RNF213: variants seen among roughly 807,000 people sequenced by gnomAD.
RNF213 encodes the protein ring finger protein 213, also known as E3 ubiquitin-protein ligase RNF213.
RNF213 carries 341 observed loss-of-function variants against 514.4 expected under a neutral mutation model. The observed-to-expected ratio is 0.66, with a 90% CI of 0.61 to 0.73. RNF213 has a LOEUF of 0.73. Ranked by LOEUF, RNF213 falls within the 30% of genes least tolerant of loss-of-function variation. The pLI is 0.00. For missense variants in RNF213, 5,767 were observed against 6,615.6 expected (o/e 0.87, Z 4.45); for synonymous variants, 2,655 against 2,658.2 (o/e 1.00, Z 0.04).
chr17:80,313,880 G>A (rs1216642707), intron 15 of RNF213, among the ~76,000 whole-genome samples: 78 of 106,490 alleles, frequency 7.3e-4, no homozygotes, highest in East Asian at 1.1e-3. Context: ...AGGTGATGGT[G>A]GAGGTACTGG....
chr17:80,389,118 T>G (rs1599218784), intron 64 of RNF213, 55 bp from the exon 65 acceptor site: 19 of 1,539,330 alleles, frequency 1.2e-5, no homozygotes, highest in Non-Finnish European at 1.5e-5. Flanking sequence ...TACCAGGTGG[T>G]GAGATGCCAG....
rs951370818 is a variant in RNF213 at position 80,328,458 on chromosome 17, C to T, written c.3498C>T (p.Asn1166=). 54 of 1,536,932 alleles carry T rather than the reference C, an allele frequency of 3.5e-5. No homozygotes were observed. The highest frequency in any genetic ancestry group is 1.7e-4 in the Middle Eastern group (1 of 6,010). Residue 1166 remains asparagine (N), a synonymous_variant, in exon 20 of 68, where the codon AAC becomes AAT. Coordinates refer to ENST00000582970, the MANE Select transcript of RNF213 (RefSeq NM_001256071.3). ...ATAGTCTCCTGAAGATGTGTGGGAA[C>T]GTGAAACATCTGATACAAGGTGGTA... is the stretch of plus-strand genomic sequence containing the variant. ...CVDSLLKMCG[N]VKHLIQVDFG...
At chr17:80,364,028 TA>T (rs2079157567) in intron 41 of RNF213, among the ~76,000 whole-genome samples, 1 of 152,032 alleles carries the variant, frequency 6.6e-6, no homozygotes, top group Non-Finnish European at 1.5e-5. Flanking sequence ...ACTGGGGCCG[TA>T]GAAAGGCAGA....
chr17:80,347,678 G>A lies in RNF213; in HGVS notation c.9343G>A (p.Ala3115Thr), dbSNP rs746145556. The A allele has an allele frequency of 3.2e-5, 52 of 1,613,804 alleles. No individual in the cohort carries two copies. Among genetic ancestry groups the A allele is most frequent in the East Asian group, 4.5e-5 (2 of 44,896 alleles). Residue 3115 changes from alanine to threonine, a missense_variant, in exon 29 of 68, where the codon GCA (alanine) becomes ACA (threonine). This residue lies in a region of RNF213 where 919 missense variants were observed against 1,121.0 expected (regional missense o/e 0.82). Transcript: ENST00000582970. This position sits in a 1 kb window ranked among gnomAD's most constrained non-coding sequence, Gnocchi z 7.2. Reference sequence around the variant, plus strand: ...GAACCTCTACGAGAGCCTCTACGACGCACTCAACCAGTACTACGTCCACCT... The same window carrying A: ...GAACCTCTACGAGAGCCTCTACGACACACTCAACCAGTACTACGTCCACCT... Reference protein sequence around the residue: ...LQNLYESLYDALNQYYVHLGG... With the variant: ...LQNLYESLYDTLNQYYVHLGG...
Position 80,340,270 on chromosome 17 carries a change from G to A in RNF213, c.5903G>A (p.Arg1968Gln), listed in dbSNP as rs747525866. 3.1e-5 allele frequency: 50 copies of A among 1,613,982 alleles called. No individual in the cohort carries two copies. Among genetic ancestry groups the A allele is most frequent in the Admixed American group, 8.3e-5 (5 of 59,998 alleles). ...CAAGCCTACCTGGCAGGTCACTACC[G>A]GGTCCCGAAGCAGACCCTGTCGGCG... ...AIQAYLAGHY[R>Q]VPKQTLSAAA... The change falls in exon 26 of 68, where the codon CGG (arginine) becomes CAG (glutamine). Residue 1968 changes from arginine to glutamine, a missense_variant. Coordinates refer to ENST00000582970, the MANE Select transcript of RNF213 (RefSeq NM_001256071.3).
At chr17:80,290,415 G>GTT (rs2044663515) in intron 6 of RNF213, among the ~76,000 whole-genome samples, 155 bp from the exon 7 acceptor site, 1 of 90,152 alleles carries the variant, frequency 1.1e-5, no homozygotes, top group African/African-American at 6.8e-5. Context: ...GTGTGTGTGC[G>GTT]TGTGTGCGAG....
intron 14 of RNF213, among the ~76,000 whole-genome samples, chr17:80,311,731 C>T (rs527622135): frequency 2.6e-5 from 4 of 152,204 alleles, no homozygotes; most frequent in Admixed American, 2.0e-4. Flanking sequence ...CCAGCTGCCT[C>T]GAGGCGTGGG....
Position 80,346,037 on chromosome 17 carries a change from G to C in RNF213, c.7702G>C (p.Val2568Leu). The stretch of plus-strand genomic sequence containing the variant: ...TCCTCTGAGGCAGCTGGTATACCGG[G>C]TCCATGCTCTGCCCCCGAGCCTGAT... ...SIPLRQLVYR[V>L]HALPPSLIPL... The change falls in exon 29 of 68, where the codon GTC (valine) becomes CTC (leucine). Residue 2568 changes from valine (V) to leucine (L), a missense_variant. By Grantham distance (32) the Val-to-Leu change is conservative. Around this residue, in one of 13 missense-constraint regions of RNF213, gnomAD observed 1,377 missense variants for 1,635.2 expected, o/e 0.84. Coordinates refer to ENST00000582970, the MANE Select transcript of RNF213 (RefSeq NM_001256071.3). The surrounding 1 kb of genome is among the most constrained non-coding windows in gnomAD (Gnocchi z 8.1). 6.2e-7 allele frequency: 1 copy of C among 1,614,168 alleles called. No individual in the cohort carries two copies. Among genetic ancestry groups the C allele is most frequent in the Non-Finnish European group, 8.5e-7 (1 of 1,180,040 alleles).
At position 80,340,167 on chromosome 17, in the gene RNF213, T is replaced by G; in HGVS notation, c.5800T>G (p.Trp1934Gly). 6.2e-7 allele frequency: 1 copy of G among 1,613,454 alleles called. No individual in the cohort carries two copies. The highest frequency in any genetic ancestry group is 8.5e-7 in the Non-Finnish European group (1 of 1,179,920). ...YQLVMVCDGDWEHCYLPSAFS... is the reference protein window; with the variant it reads ...YQLVMVCDGDGEHCYLPSAFS... ...GCTCGTCATGGTCTGTGATGGGGAC[T>G]GGGAGCACTGCTACCTCCCCTCTGC... Residue 1934 changes from tryptophan to glycine, a missense_variant, in exon 26 of 68, where the codon TGG (tryptophan) becomes GGG (glycine). Trp to Gly is a radical substitution (Grantham distance 184, BLOSUM62 -2). Coordinates refer to ENST00000582970, the MANE Select transcript of RNF213 (RefSeq NM_001256071.3).
Position 80,263,501 on chromosome 17 carries a change from G to A in RNF213, c.-108-73G>A, listed in dbSNP as rs2043497532. ...GCAGCACAGAGCGGGGAGGGGCTGG[G>A]CTTGGGCTGTGCTCCTGTTGGGTTT... On this transcript the variant is annotated intron_variant, in intron 1 of 67. Coordinates refer to ENST00000582970, the MANE Select transcript of RNF213 (RefSeq NM_001256071.3). This position sits in a 1 kb window ranked among gnomAD's most constrained non-coding sequence, Gnocchi z 4.9. 3.1e-6 allele frequency: 2 copies of A among 649,384 alleles called. No homozygotes were observed. Among genetic ancestry groups the A allele is most frequent in the Non-Finnish European group, 5.7e-6 (2 of 352,412 alleles). The allele number at this position is 649,384 out of a possible 1,614,324, so 40.2% of individuals were successfully genotyped here. A position where few individuals can be genotyped will look rare whatever the true frequency, so the allele number is the denominator to read the frequency against.
intron 10 of RNF213, among the ~76,000 whole-genome samples, chr17:80,296,315 G>T (rs2044944227): frequency 6.6e-6 from 1 of 152,176 alleles, no homozygotes; most frequent in Non-Finnish European, 1.5e-5. Flanking sequence ...CCACCGTGCT[G>T]GGTCTGAATA....
Position 80,295,643 on chromosome 17 carries a change from C to G in RNF213, c.1842C>G (p.Cys614Trp). Residue 614 changes from cysteine (C) to tryptophan (W), a missense_variant, in exon 10 of 68, where the codon TGC (cysteine) becomes TGG (tryptophan). Cys to Trp is a radical substitution (Grantham distance 215). Coordinates refer to ENST00000582970, the MANE Select transcript of RNF213 (RefSeq NM_001256071.3). ...GCACGGACTTTTTGCCTGTGGACTG[C>G]CCAGTGAGGAGTAAACTGAAAACAG... The part of the protein sequence containing the change: ...GKSTDFLPVD[C>W]PVRSKLKTGL... 1 of 1,613,992 alleles carries G rather than the reference C, an allele frequency of 6.2e-7. No individual in the cohort carries two copies. The highest frequency in any genetic ancestry group is 8.5e-7 in the Non-Finnish European group (1 of 1,179,958).
chr17:80,327,852 A>G lies in RNF213; in HGVS notation c.3230A>G (p.Asp1077Gly), dbSNP rs779411791. ...DEKILANVTE[D>G]AKRLIAVADS... is the part of the protein sequence containing the mutation. ...AAAATACTAGCAAATGTCACAGAGG[A>G]TGCCAAGAGGCTGATAGCTGTTGCC... Residue 1077 changes from aspartate to glycine, a missense_variant, in exon 19 of 68, where the codon GAT becomes GGT. Coordinates refer to ENST00000582970, the MANE Select transcript of RNF213 (RefSeq NM_001256071.3). The G allele has an allele frequency of 6.5e-7, 1 of 1,537,060 alleles. No homozygotes were observed. The highest frequency in any genetic ancestry group is 8.7e-7 in the Non-Finnish European group (1 of 1,146,860).
Position 80,386,873 on chromosome 17 carries a change from G to A in RNF213, c.14904G>A (p.Lys4968=), listed in dbSNP as rs761396078. 12 of 1,612,928 alleles carry A rather than the reference G, an allele frequency of 7.4e-6. No homozygotes were observed. Among genetic ancestry groups the A allele is most frequent in the Admixed American group, 3.3e-5 (2 of 59,932 alleles). The change falls in exon 63 of 68, where the codon AAG becomes AAA. Residue 4968 remains lysine (K), a synonymous_variant. Coordinates refer to ENST00000582970, the MANE Select transcript of RNF213 (RefSeq NM_001256071.3). ...TCGTCAGCCGCTTCCTCCAGGGCAAGCCCCGGCTGAGCCTCAAGGTAGGGC... is the reference window on the plus strand; with the variant it reads ...TCGTCAGCCGCTTCCTCCAGGGCAAACCCCGGCTGAGCCTCAAGGTAGGGC... The part of the protein sequence containing the change: ...RQIVSRFLQG[K]PRLSLKGIPT...
At chr17:80,354,842 T>TA in intron 36 of RNF213, 1 of 510,268 alleles carries the variant, frequency 2.0e-6, no homozygotes, top group East Asian at 3.6e-5. Flanking sequence ...CATCTGTTCT[T>TA]AGAGTAGAAC....
At chr17:80,392,802 C>T (rs889460823) in intron 67 of RNF213, among the ~76,000 whole-genome samples, 1 of 152,078 alleles carries the variant, frequency 6.6e-6, no homozygotes, top group South Asian at 2.1e-4. Flanking sequence ...GTTGGCTAGG[C>T]TGGTCTCGAA....
In RNF213 at chr17:80,346,128, T is replaced by C; in HGVS notation, c.7793T>C (p.Val2598Ala). 3 of 1,614,178 alleles carry C rather than the reference T, an allele frequency of 1.9e-6. No individual in the cohort carries two copies. The highest frequency in any genetic ancestry group is 2.5e-6 in the Non-Finnish European group (3 of 1,180,042). Residue 2598 changes from valine (V) to alanine (A), a missense_variant, in exon 29 of 68, where the codon GTC (valine) becomes GCC (alanine). Transcript: ENST00000582970. This position sits in a 1 kb window ranked among gnomAD's most constrained non-coding sequence, Gnocchi z 8.1. ...VAEKLYIQQI[V>A]QRLVESISLD... Reference sequence around the variant, plus strand: ...GAAAAGCTCTACATCCAGCAGATTGTCCAGAGACTGGTTGAGTCCATCAGC... The same window carrying C: ...GAAAAGCTCTACATCCAGCAGATTGCCCAGAGACTGGTTGAGTCCATCAGC...
chr17:80,337,110 C>G (rs2059301126), intron 23 of RNF213, among the ~76,000 whole-genome samples: 1 of 152,164 alleles, frequency 6.6e-6, no homozygotes, highest in Non-Finnish European at 1.5e-5. Context: ...AGTTTCCAAA[C>G]AAAACCCTCT....
At chr17:80,326,400 CCT>C (rs2046282787) in intron 18 of RNF213, among the ~76,000 whole-genome samples, 2 of 152,144 alleles carry the variant, frequency 1.3e-5, no homozygotes, top group South Asian at 2.1e-4. Flanking sequence ...CGGGCAGTAC[CCT>C]GTTAGTAACA....
Sources: allele counts gnomAD v4.1 joint callset (sites outside exome capture counted in the v4.1 genomes callset), GRCh38; gene constraint gnomAD v4.1.1; regional missense constraint gnomAD v4.1.1; non-coding constraint Gnocchi (gnomAD v3.1); transcripts MANE v1.5; gene names NCBI Gene and HGNC (gene_info 2026-07-23, HGNC 2026-07-21).